The following TNKS variants were observed in gnomAD, a reference collection of about 807,000 sequenced individuals.
The protein encoded by TNKS is tankyrase, also known as poly [ADP-ribose] polymerase tankyrase-1.
A neutral mutation model predicts 135.8 loss-of-function variants in TNKS; 72 were observed. The ratio of observed to expected loss-of-function variants is 0.53; its 90% confidence interval spans 0.44 to 0.64. The LOEUF is 0.64. Among genes scored for constraint, TNKS ranks in the 30% least tolerant of loss-of-function variants. The pLI, the probability that TNKS is intolerant of heterozygous loss-of-function variation, is 0.00. For synonymous variants in TNKS, 849 were observed against 649.3 expected, an observed-to-expected ratio of 1.31 and a Z score of -4.68; for missense variants, 1,769 against 1,674.0, an observed-to-expected ratio of 1.06 and a Z score of -0.99.
chr8:9,664,900 T>C (rs1271554820), intron 3 of TNKS, among the ~76,000 whole-genome samples: 1 of 152,240 alleles, frequency 6.6e-6, no homozygotes, highest in Admixed American at 6.5e-5. Context: ...TTCTATACCA[T>C]ATCCCTATGT....
chr8:9,683,144 G>C (rs1467042758), intron 5 of TNKS, among the ~76,000 whole-genome samples: 1 of 152,016 alleles, frequency 6.6e-6, no homozygotes, highest in Non-Finnish European at 1.5e-5. Context: ...ACGGCACAGA[G>C]TAATTCTTAT....
chr8:9,749,505 G>A (rs1806408124), intron 18 of TNKS, among the ~76,000 whole-genome samples: 1 of 145,384 alleles, frequency 6.9e-6, no homozygotes, highest in Non-Finnish European at 1.5e-5. Context: ...GACACAGTCT[G>A]GCTATGTCAC....
At chr8:9,726,018 G>A (rs762587492) in intron 12 of TNKS, among the ~76,000 whole-genome samples, 2 of 152,176 alleles carry the variant, frequency 1.3e-5, no homozygotes, top group Non-Finnish European at 2.9e-5. Context: ...ACAAATGTCT[G>A]TATTTAGTAG....
intron 3 of TNKS, among the ~76,000 whole-genome samples, chr8:9,634,059 G>GA (rs964969827): frequency 2.8e-5 from 4 of 142,174 alleles, no homozygotes; most frequent in South Asian, 4.5e-4. Context: ...AGGAATTAAG[G>GA]AAAAAAAACT....
intron 17 of TNKS, among the ~76,000 whole-genome samples, chr8:9,739,845 A>G (rs1805832461): frequency 2.1e-5 from 1 of 48,758 alleles, no homozygotes; most frequent in Non-Finnish European, 3.9e-5. Context: ...CATAGGTGGG[A>G]ATTGAACAAT....
intron 2 of TNKS, among the ~76,000 whole-genome samples, chr8:9,588,622 T>C (rs1798479145): frequency 6.6e-6 from 1 of 152,200 alleles, no homozygotes; most frequent in African/African-American, 2.4e-5. Flanking sequence ...TTGTCTGCAA[T>C]ATGAGGCATG....
intron 20 of TNKS, among the ~76,000 whole-genome samples, chr8:9,754,974 A>G (rs530099806): frequency 1.3e-5 from 2 of 152,322 alleles, no homozygotes; most frequent in East Asian, 3.9e-4. Context: ...CTGTTCCCAT[A>G]TTACAGCTAT....
intron 17 of TNKS, among the ~76,000 whole-genome samples, chr8:9,747,265 C>A (rs1376879068): frequency 1.4e-5 from 2 of 141,832 alleles, no homozygotes; most frequent in South Asian, 2.6e-4. Context: ...TCCTTCCCCC[C>A]CTCAAAAAAA....
At chr8:9,589,122 A>G (rs1490984219) in intron 2 of TNKS, among the ~76,000 whole-genome samples, 4 of 152,222 alleles carry the variant, frequency 2.6e-5, no homozygotes, top group African/African-American at 7.2e-5. Context: ...GAAAAAATCT[A>G]TAGCTAGAGA....
At chr8:9,750,983 G>T (rs1481012848) in intron 18 of TNKS, among the ~76,000 whole-genome samples, 1 of 152,168 alleles carries the variant, frequency 6.6e-6, no homozygotes, top group Admixed American at 6.5e-5. Context: ...TCCACTTAAA[G>T]CCTGGCTCAA....
At chr8:9,677,847 C>G (rs1441260160) in intron 3 of TNKS, among the ~76,000 whole-genome samples, 1 of 152,132 alleles carries the variant, frequency 6.6e-6, no homozygotes, top group Non-Finnish European at 1.5e-5. Flanking sequence ...ATACACAGAG[C>G]TACTTACAAC....
At chr8:9,577,875 C>T (rs1798013534) in intron 1 of TNKS, among the ~76,000 whole-genome samples, 1 of 152,178 alleles carries the variant, frequency 6.6e-6, no homozygotes, top group Admixed American at 6.5e-5. Flanking sequence ...GTCCCTTCTG[C>T]CTGTAAAATC....
rs1056341011 is a variant in TNKS, at chr8:9,668,395, T to C, written c.995-11556T>C. 7.9e-5 allele frequency among the ~76,000 whole-genome samples: 12 copies of C among 152,338 alleles called. 1 individual carries two copies. The highest frequency in any genetic ancestry group is 2.4e-4 in the African/African-American group (10 of 41,578). ...TGAACATACACTCAAATTTTGCCTCTAGTTGTCAAGTATTTACAGAATTTT... is the reference window on the plus strand; with the variant it reads ...TGAACATACACTCAAATTTTGCCTCCAGTTGTCAAGTATTTACAGAATTTT... On this transcript the variant is annotated intron_variant, in intron 3 of 26. Coordinates refer to ENST00000310430, the MANE Select transcript of TNKS (RefSeq NM_003747.3).
intron 18 of TNKS, among the ~76,000 whole-genome samples, chr8:9,750,577 G>T (rs190331420): frequency 7.8e-4 from 118 of 152,162 alleles, no homozygotes; most frequent in Non-Finnish European, 1.0e-3. Context: ...AGTAGCACTT[G>T]CCTATCTATC....
At chr8:9,587,843 T>C (rs143060467) in intron 2 of TNKS, among the ~76,000 whole-genome samples, 90 of 152,354 alleles carry the variant, frequency 5.9e-4, no homozygotes, top group African/African-American at 2.1e-3. Flanking sequence ...GCATATATTA[T>C]AAAAACATCT....
rs1166640158 is a variant in TNKS, at chr8:9,748,020, TCAGCA to T, written c.2644-3_2645del. 1.2e-6 allele frequency: 2 copies of T among 1,604,414 alleles called. No homozygotes were observed. Among genetic ancestry groups the T allele is most frequent in the Non-Finnish European group, 8.5e-7 (1 of 1,174,890 alleles). On this transcript the variant is annotated splice_acceptor_variant and splice_polypyrimidine_tract_variant and coding_sequence_variant and intron_variant, in exon 18 of 27. Transcript: ENST00000310430. LOFTEE classifies it high-confidence loss of function. ...ACTCTTTGTATCCTTTTCTTTTTTT[TCAGCA>T]TGTTGACATAGCGGCTTTATTGATA...
chr8:9,674,553 T>G (rs764345305), intron 3 of TNKS, among the ~76,000 whole-genome samples: 1 of 152,230 alleles, frequency 6.6e-6, no homozygotes, highest in South Asian at 2.1e-4. Flanking sequence ...TTCTGGTGAA[T>G]GGTCTCTCTG....
intron 3 of TNKS, among the ~76,000 whole-genome samples, chr8:9,639,113 A>G (rs1303951144): frequency 6.6e-6 from 1 of 152,172 alleles, no homozygotes; most frequent in Non-Finnish European, 1.5e-5. Flanking sequence ...TACTCTGCCA[A>G]TAGGTTTGCT....
At position 9,765,735 on chromosome 8, in the gene TNKS, A is replaced by C; in HGVS notation, c.3491A>C (p.His1164Pro). Reference sequence around the variant, plus strand: ...AAGAAGTTGAGGGAGCGGTTCTGCCACCGACAGAAGGAAGTGTCTGAGGAG... The same window carrying C: ...AAGAAGTTGAGGGAGCGGTTCTGCCCCCGACAGAAGGAAGTGTCTGAGGAG... ...VNKKLRERFC[H>P]RQKEVSEENH... Residue 1164 changes from histidine to proline, a missense_variant, in exon 24 of 27, where the codon CAC becomes CCC. Physicochemically the swap from His to Pro is moderately conservative, Grantham distance 77. Coordinates refer to ENST00000310430, the MANE Select transcript of TNKS (RefSeq NM_003747.3). 6.2e-7 allele frequency: 1 copy of C among 1,614,056 alleles called. No homozygotes were observed. The highest frequency in any genetic ancestry group is 8.5e-7 in the Non-Finnish European group (1 of 1,179,942).
Sources: allele counts gnomAD v4.1 joint callset (sites outside exome capture counted in the v4.1 genomes callset), GRCh38; gene constraint gnomAD v4.1.1; transcripts MANE v1.5; gene names NCBI Gene and HGNC (gene_info 2026-07-23, HGNC 2026-07-21).